The following WFDC10B variants were observed in gnomAD, a reference collection of about 807,000 sequenced individuals.
The protein encoded by WFDC10B is protein WFDC10B.
Under a neutral mutation model 2.7 loss-of-function variants are expected in WFDC10B, and 1 was observed. The observed-to-expected ratio is 0.38, with a 90% CI of 0.13 to 1.79. The LOEUF (loss-of-function observed/expected upper bound fraction) is 1.79. Among genes scored for constraint, WFDC10B ranks in the 40% most tolerant of loss-of-function variants. The pLI is 0.33. For synonymous variants in WFDC10B, 26 were observed against 32.2 expected (o/e 0.81, Z 0.65); for missense variants, 71 against 87.8 (o/e 0.81, Z 0.76).
chr20:45,702,910 C>A (rs757506962), intron 2 of WFDC10B, among the ~76,000 whole-genome samples: 2 of 152,122 alleles, frequency 1.3e-5, no homozygotes, highest in Admixed American at 1.3e-4. Flanking sequence ...AGAATACTGG[C>A]GGCTCAGAAG....
At chr20:45,692,221 G>T (rs902558077) in intron 2 of WFDC10B, among the ~76,000 whole-genome samples, 1 of 152,064 alleles carries the variant, frequency 6.6e-6, no homozygotes, top group Non-Finnish European at 1.5e-5. Flanking sequence ...AGTCTGATGG[G>T]CTTCCCTTTG....
At chr20:45,689,158 T>C (rs6073858) in intron 2 of WFDC10B, among the ~76,000 whole-genome samples, 21,176 of 139,652 alleles carry the variant, frequency 0.15, 1,702 homozygotes, top group East Asian at 0.29. Context: ...TGTAGATATG[T>C]GGCGTTATTT....
intron 2 of WFDC10B, among the ~76,000 whole-genome samples, chr20:45,689,791 G>T (rs1354635545): frequency 6.6e-6 from 1 of 151,678 alleles, no homozygotes; most frequent in African/African-American, 2.4e-5. Flanking sequence ...CTGCAAACAG[G>T]GACAATTTGA....
intron 2 of WFDC10B, among the ~76,000 whole-genome samples, chr20:45,695,823 A>G (rs74708560): frequency 0.014 from 2,201 of 152,198 alleles, 46 homozygotes; most frequent in African/African-American, 0.049. Context: ...TGTCTCTACA[A>G]AAAACTAACT....
chr20:45,689,632 GCTCT>G (rs1268671524), intron 2 of WFDC10B, among the ~76,000 whole-genome samples: 47 of 152,100 alleles, frequency 3.1e-4, no homozygotes, highest in African/African-American at 1.1e-3. Context: ...TCATGATTTG[GCTCT>G]CTGTTTGTCT....
At position 45,693,820 on chromosome 20, in the gene WFDC10B, G is replaced by A. The variant is rs113719412; in HGVS notation, c.-64-7764C>T. Among the ~76,000 whole-genome samples the A allele has an allele frequency of 2.5e-3, 375 of 152,282 alleles. 7 individuals carry two copies. The East Asian group carries it at 0.046, about 19-fold the overall frequency. Reference sequence around the variant, plus strand: ...CCTCGCACTGCTTCGGCTTGCGCACGGTGCGCTGCACCCACTGACCTGCGC... The same window carrying A: ...CCTCGCACTGCTTCGGCTTGCGCACAGTGCGCTGCACCCACTGACCTGCGC... On this transcript the variant is annotated intron_variant, in intron 2 of 3. Transcript: ENST00000330523.
At chr20:45,698,133 T>C (rs1568673473) in intron 2 of WFDC10B, among the ~76,000 whole-genome samples, 1 of 152,156 alleles carries the variant, frequency 6.6e-6, no homozygotes, top group Non-Finnish European at 1.5e-5. Context: ...GGGTCTCCCA[T>C]TTCCCCCATT....
At chr20:45,697,307 G>T (rs1156277166) in intron 2 of WFDC10B, among the ~76,000 whole-genome samples, 2 of 150,666 alleles carry the variant, frequency 1.3e-5, no homozygotes, top group African/African-American at 4.9e-5. Flanking sequence ...TAAAAGACTT[G>T]TATACCACAA....
intron 2 of WFDC10B, among the ~76,000 whole-genome samples, chr20:45,693,559 C>T (rs1259781384): frequency 6.6e-6 from 1 of 152,196 alleles, no homozygotes; most frequent in African/African-American, 2.4e-5. Context: ...AGCCTTGCTG[C>T]CGCCTTGCTG....
chr20:45,688,274 T>C (rs1169921749), intron 2 of WFDC10B, among the ~76,000 whole-genome samples: 4 of 152,032 alleles, frequency 2.6e-5, no homozygotes, highest in Admixed American at 1.3e-4. Flanking sequence ...CAGTCTATCA[T>C]TGTTGGACAT....
At chr20:45,702,715 G>A (rs1194609930) in intron 2 of WFDC10B, among the ~76,000 whole-genome samples, 1 of 152,208 alleles carries the variant, frequency 6.6e-6, no homozygotes, top group Non-Finnish European at 1.5e-5. Context: ...TCAAACTCCA[G>A]AGGTACTGTA....
intron 2 of WFDC10B, among the ~76,000 whole-genome samples, chr20:45,693,122 G>T (rs1327468060): frequency 6.6e-6 from 1 of 152,186 alleles, no homozygotes; most frequent in Non-Finnish European, 1.5e-5. Flanking sequence ...GGTATCAGCA[G>T]CGGTGTCTGC....
chr20:45,689,579 A>C (rs1221582014), intron 2 of WFDC10B, among the ~76,000 whole-genome samples: 5 of 152,216 alleles, frequency 3.3e-5, no homozygotes, highest in Non-Finnish European at 7.3e-5. Flanking sequence ...TTGGATTCCT[A>C]GGTATTTTAT....
At chr20:45,697,007 T>A (rs571939815) in intron 2 of WFDC10B, among the ~76,000 whole-genome samples, 1 of 152,162 alleles carries the variant, frequency 6.6e-6, no homozygotes, top group East Asian at 1.9e-4. Flanking sequence ...CTATATACAA[T>A]GATCATTATA....
chr20:45,689,686 G>T (rs1176873867), intron 2 of WFDC10B, among the ~76,000 whole-genome samples: 1 of 152,106 alleles, frequency 6.6e-6, no homozygotes, highest in Non-Finnish European at 1.5e-5. Context: ...TTTGAACATT[G>T]ATTTTCTATC....
At chr20:45,689,250 A>G (rs1983730384) in intron 2 of WFDC10B, among the ~76,000 whole-genome samples, 1 of 151,574 alleles carries the variant, frequency 6.6e-6, no homozygotes, top group Non-Finnish European at 1.5e-5. Flanking sequence ...GTAGCCTTGG[A>G]GTATAGTCTG....
At chr20:45,687,524 C>T (rs979088083) in intron 2 of WFDC10B, among the ~76,000 whole-genome samples, 1 of 152,104 alleles carries the variant, frequency 6.6e-6, no homozygotes, top group Admixed American at 6.5e-5. Flanking sequence ...TGGGTATATA[C>T]CCAGTAATGG....
chr20:45,694,316 TAAGG>T (rs908653174), intron 2 of WFDC10B, among the ~76,000 whole-genome samples: 1 of 152,142 alleles, frequency 6.6e-6, no homozygotes, highest in Admixed American at 6.5e-5. Context: ...GTATAAGGCA[TAAGG>T]AAGAGGCCCA....
At chr20:45,694,125 CTTTAG>C (rs367727485) in intron 2 of WFDC10B, among the ~76,000 whole-genome samples, 1,883 of 152,300 alleles carry the variant, frequency 0.012, 31 homozygotes, top group African/African-American at 0.044. Context: ...TACAGAAGCT[CTTTAG>C]TTTAATTAGA....
Sources: allele counts gnomAD v4.1 joint callset (sites outside exome capture counted in the v4.1 genomes callset), GRCh38; gene constraint gnomAD v4.1.1; transcripts MANE v1.5; gene names NCBI Gene and HGNC (gene_info 2026-07-23, HGNC 2026-07-21).